The following ECT2 variants were observed in gnomAD, a reference collection of about 807,000 sequenced individuals.
ECT2 encodes the protein epithelial cell transforming 2.
In ECT2, 61 loss-of-function variants were observed where a neutral mutation model predicts 116.9. The ratio of observed to expected loss-of-function variants is 0.52; its 90% CI spans 0.42 to 0.65. The LOEUF (loss-of-function observed/expected upper bound fraction) is 0.65, where lower values mean the gene tolerates loss of function less well. Ranked by LOEUF, ECT2 falls within the 30% of genes least tolerant of loss-of-function variation. The pLI, the probability that ECT2 is intolerant of heterozygous loss-of-function variation, is 0.00. For synonymous variants in ECT2, 358 were observed against 346.4 expected, an observed-to-expected ratio of 1.03 and a Z score of -0.37; for missense variants, 937 against 1,078.7, an observed-to-expected ratio of 0.87 and a Z score of 1.84.
rs979942782 is a variant in ECT2, at chr3:172,750,796, C to G, written c.-84C>G. 1.3e-5 allele frequency: 2 copies of G among 152,980 alleles called. No homozygotes were observed. Among genetic ancestry groups the G allele is most frequent in the Admixed American group, 6.5e-5 (1 of 15,294 alleles). 9.5% of individuals were successfully genotyped at this position (152,980 alleles called of 1,614,324 possible). A position where few individuals can be genotyped will look rare whatever the true frequency, so the allele number is the denominator to read the frequency against. On this transcript the variant is annotated 5_prime_UTR_variant, in exon 1 of 25. Transcript: ENST00000392692. Reference sequence around the variant, plus strand: ...TGTGGCGGCCGCCGGCGAGGAATGGCGGTATTTGTGAGAGGAGTCGGCGTT... The same window carrying G: ...TGTGGCGGCCGCCGGCGAGGAATGGGGGTATTTGTGAGAGGAGTCGGCGTT...
rs1448548898 is a variant in ECT2 at position 172,750,840 on chromosome 3, A to T, written c.-40A>T. 1 of 152,910 alleles carries T rather than the reference A, an allele frequency of 6.5e-6. No homozygotes were observed. The highest frequency in any genetic ancestry group is 1.5e-5 in the Non-Finnish European group (1 of 68,122). The allele number at this position is 152,910 out of a possible 1,614,324, so 9.5% of individuals were successfully genotyped here. The stretch of plus-strand genomic sequence containing the variant: ...CGGCGTTTGAAGAGGTGGAACTCCT[A>T]GGGCTTTTTTGAGAGTGGTAAGGAC... On this transcript the variant is annotated 5_prime_UTR_variant, in exon 1 of 25. Transcript: ENST00000392692.
intron 12 of ECT2, among the ~76,000 whole-genome samples, chr3:172,765,950 C>T (rs940381347): frequency 9.2e-5 from 14 of 152,372 alleles, no homozygotes; most frequent in Admixed American, 7.2e-4. Context: ...AATCCCTCCA[C>T]TCCTTTCTGC....
chr3:172,804,715 C>T (rs1727361055), intron 20 of ECT2, among the ~76,000 whole-genome samples: 1 of 152,054 alleles, frequency 6.6e-6, no homozygotes, highest in African/African-American at 2.4e-5. Context: ...GTTTTTATCC[C>T]TTATTCCTGA....
At chr3:172,810,183 G>A (rs1289982717) in intron 22 of ECT2, among the ~76,000 whole-genome samples, 1 of 152,112 alleles carries the variant, frequency 6.6e-6, no homozygotes, top group African/African-American at 2.4e-5. Context: ...TTTAAGCAAC[G>A]ATAACCTTTC....
intron 12 of ECT2, among the ~76,000 whole-genome samples, chr3:172,768,577 G>A (rs56996415): frequency 0.061 from 9,344 of 152,084 alleles, 969 homozygotes; most frequent in African/African-American, 0.21. Context: ...CATTAATACT[G>A]TGAACTGTTT....
At chr3:172,775,638 CT>C (rs536857351) in intron 14 of ECT2, among the ~76,000 whole-genome samples, 277 of 142,600 alleles carry the variant, frequency 1.9e-3, no homozygotes, top group Non-Finnish European at 1.9e-3. Flanking sequence ...GGGTTTTTTT[CT>C]TTTTTTTTTT....
chr3:172,751,700 A>C (rs937084834), intron 1 of ECT2, among the ~76,000 whole-genome samples: 1 of 151,862 alleles, frequency 6.6e-6, no homozygotes, highest in South Asian at 2.1e-4. Flanking sequence ...TTACATGGCA[A>C]ATTTTATCTC....
rs764543607 is a variant in ECT2 at position 172,784,722 on chromosome 3, C to G, written c.1744C>G (p.Pro582Ala). 1.2e-6 allele frequency: 2 copies of G among 1,613,392 alleles called. No homozygotes were observed. The highest frequency in any genetic ancestry group is 4.5e-5 in the East Asian group (2 of 44,852). Residue 582 changes from proline to alanine, a missense_variant, in exon 17 of 25, where the codon CCA becomes GCA. By Grantham distance (27) the Pro-to-Ala change is conservative. Transcript: ENST00000392692. ...HAFLKINQAK[P>A]ECGRQSLVEL... ...TTGTTTTCAGATAAACCAAGCAAAACCAGAATGTGGACGGCAGAGCCTTGT... is the reference window on the plus strand; with the variant it reads ...TTGTTTTCAGATAAACCAAGCAAAAGCAGAATGTGGACGGCAGAGCCTTGT...
At chr3:172,772,830 G>A (rs1165528289) in intron 13 of ECT2, among the ~76,000 whole-genome samples, 1 of 152,108 alleles carries the variant, frequency 6.6e-6, no homozygotes, top group Non-Finnish European at 1.5e-5. Flanking sequence ...TTTTGCTTAT[G>A]GCAGATGGTA....
chr3:172,755,421 C>A, intron 3 of ECT2, 47 bp downstream of exon 3: 1 of 1,549,858 alleles, frequency 6.5e-7, no homozygotes, highest in South Asian at 1.2e-5. Context: ...AATTTTTCTT[C>A]CATCAGTGTG....
chr3:172,790,452 TGAAAA>T (rs376504353), intron 18 of ECT2, among the ~76,000 whole-genome samples: 139 of 152,284 alleles, frequency 9.1e-4, no homozygotes, highest in East Asian at 5.8e-3. Flanking sequence ...GTTTTACCTA[TGAAAA>T]GAAAAGAAAA....
chr3:172,770,233 G>T (rs1720350485), intron 13 of ECT2, among the ~76,000 whole-genome samples: 1 of 152,122 alleles, frequency 6.6e-6, no homozygotes, highest in Middle Eastern at 3.2e-3. Context: ...TCAAAATGTG[G>T]TTGAGTAGCA....
rs1453476390 is a variant in ECT2, at chr3:172,816,744, T to G, written c.2562T>G (p.Ala854=). 1 of 1,610,820 alleles carries G rather than the reference T, an allele frequency of 6.2e-7. No individual in the cohort carries two copies. Among genetic ancestry groups the G allele is most frequent in the South Asian group, 1.1e-5 (1 of 90,618 alleles). The change falls in exon 24 of 25, where the codon GCT becomes GCG. Residue 854 remains alanine (A), a synonymous_variant. Coordinates refer to ENST00000392692, the MANE Select transcript of ECT2 (RefSeq NM_001258315.2). Reference sequence around the variant, plus strand: ...CTCCAAAAAGAGCTCTTCGAAGGGCTCTTATGACATCCCACGGCTCAGTGG... The same window carrying G: ...CTCCAAAAAGAGCTCTTCGAAGGGCGCTTATGACATCCCACGGCTCAGTGG... ...SKTPKRALRR[A]LMTSHGSVEG... is the part of the protein sequence containing the mutation.
chr3:172,795,294 C>G (rs146468948), intron 18 of ECT2, among the ~76,000 whole-genome samples: 70,451 of 146,434 alleles, frequency 0.48, 19,211 homozygotes, highest in East Asian at 0.68. Flanking sequence ...CCACTGCACT[C>G]CAGCCTGGGT....
intron 18 of ECT2, among the ~76,000 whole-genome samples, chr3:172,792,323 CTG>C (rs1401149416): frequency 6.6e-6 from 1 of 152,128 alleles, no homozygotes; most frequent in Admixed American, 6.5e-5. Flanking sequence ...AACGTTCAAT[CTG>C]TGAAACAACA....
chr3:172,759,465 C>G (rs907686207), intron 6 of ECT2, among the ~76,000 whole-genome samples: 7 of 151,908 alleles, frequency 4.6e-5, no homozygotes, highest in Admixed American at 6.6e-5. Context: ...TTTTTTGAGA[C>G]AAGTCTTGCT....
At chr3:172,818,894 T>C (rs1216177806) in intron 24 of ECT2, 1 of 1,112,690 alleles carries the variant, frequency 9.0e-7, no homozygotes, top group African/African-American at 1.7e-5. Context: ...AATCACTTAT[T>C]TGGTGGGTGG....
chr3:172,816,881 G>C, intron 24 of ECT2, 44 bp downstream of exon 24: 1 of 1,428,712 alleles, frequency 7.0e-7, no homozygotes, highest in South Asian at 1.6e-5. Context: ...TATTTATGAA[G>C]TTGTTATGGA....
downstream of ECT2, among the ~76,000 whole-genome samples, chr3:172,822,785 GAGAA>G: frequency 6.6e-6 from 1 of 152,068 alleles, no homozygotes; most frequent in African/African-American, 2.4e-5. Flanking sequence ...CCTGGCTGAA[GAGAA>G]AACTAGTGAC....
Sources: allele counts gnomAD v4.1 joint callset (sites outside exome capture counted in the v4.1 genomes callset), GRCh38; gene constraint gnomAD v4.1.1; transcripts MANE v1.5; gene names NCBI Gene and HGNC (gene_info 2026-07-23, HGNC 2026-07-21).